The following COL13A1 variants were observed in gnomAD, a reference collection of about 807,000 sequenced individuals.
COL13A1 encodes the protein collagen alpha-1(XIII) chain.
COL13A1 carries 89 observed loss-of-function variants against 130.9 expected under a neutral mutation model. That is an observed-to-expected ratio of 0.68 (90% confidence interval 0.57 to 0.81). The LOEUF (loss-of-function observed/expected upper bound fraction) is 0.81. Among genes scored for constraint, COL13A1 ranks in the 30% least tolerant of loss-of-function variants. The pLI, the probability that COL13A1 is intolerant of heterozygous loss-of-function variation, is 0.00. For missense variants in COL13A1, 879 were observed against 934.6 expected (o/e 0.94, Z 0.78); for synonymous variants, 402 against 341.6 (o/e 1.18, Z -1.95).
At chr10:69,808,104 C>A (rs967242602) in intron 1 of COL13A1, among the ~76,000 whole-genome samples, 1 of 152,312 alleles carries the variant, frequency 6.6e-6, no homozygotes. Flanking sequence ...TAGAGCTCTG[C>A]CGCTTCTCCA....
Position 69,852,310 on chromosome 10 carries a change from T to C in COL13A1, c.365-15488T>C, listed in dbSNP as rs78282790. On this transcript the variant is annotated intron_variant, in intron 2 of 40. Coordinates refer to ENST00000645393, the MANE Select transcript of COL13A1 (RefSeq NM_001368882.1). The stretch of plus-strand genomic sequence containing the variant: ...GTTGTCTATCACCTGCGGCTAGAGA[T>C]AATAATAATAATAAGCCAATACTTG... Among the ~76,000 whole-genome samples the C allele has an allele frequency of 1.6e-4, 24 of 152,256 alleles. No homozygotes were observed. The East Asian group carries it at 4.4e-3, about 28-fold the overall frequency.
At chr10:69,904,419 C>T (rs904133002) in intron 15 of COL13A1, among the ~76,000 whole-genome samples, 1 of 152,336 alleles carries the variant, frequency 6.6e-6, no homozygotes, top group East Asian at 1.9e-4. Context: ...CCCAAGGCTG[C>T]GGTGGAGCCA....
Position 69,889,444 on chromosome 10 carries a change from A to G in COL13A1, c.603+4A>G, listed in dbSNP as rs769152298. Reference sequence around the variant, plus strand: ...CCCAGGACCAAAGGGCGACATGGTAAGAGCCCAGCTTTCCTGCCTTCCCGA... The same window carrying G: ...CCCAGGACCAAAGGGCGACATGGTAGGAGCCCAGCTTTCCTGCCTTCCCGA... On this transcript the variant is annotated splice_donor_region_variant and intron_variant, in intron 10 of 40. Transcript: ENST00000645393. 1 of 1,611,566 alleles carries G rather than the reference A, an allele frequency of 6.2e-7. No homozygotes were observed. The highest frequency in any genetic ancestry group is 8.5e-7 in the Non-Finnish European group (1 of 1,179,060).
At chr10:69,868,119 CAAAAAA>C (rs55856106) in intron 3 of COL13A1, among the ~76,000 whole-genome samples, 23 of 126,940 alleles carry the variant, frequency 1.8e-4, no homozygotes, top group Admixed American at 3.1e-4. Flanking sequence ...CTATTGGAGT[CAAAAAA>C]AAAAAAAAAA....
intron 1 of COL13A1, among the ~76,000 whole-genome samples, chr10:69,810,375 AGAGAG>A (rs1842704354): frequency 2.6e-5 from 4 of 151,424 alleles, no homozygotes; most frequent in African/African-American, 9.7e-5. Flanking sequence ...AGAGAGAGAG[AGAGAG>A]ACAGAGAGTC....
Position 69,867,791 on chromosome 10 carries a change from C to T in COL13A1, c.365-7C>T, listed in dbSNP as rs2058671013. 2.8e-6 allele frequency: 2 copies of T among 718,542 alleles called. No individual in the cohort carries two copies. Among genetic ancestry groups the T allele is most frequent in the Non-Finnish European group, 5.2e-6 (2 of 385,052 alleles). The allele number at this position is 718,542 out of a possible 1,614,324, so 44.5% of individuals were successfully genotyped here. The stretch of plus-strand genomic sequence containing the variant: ...ACTGACCCAGGCATTTTCTCTCTCT[C>T]TTTCAGGACCTCCTGTAAGTACTCA... On this transcript the variant is annotated splice_polypyrimidine_tract_variant and splice_region_variant and intron_variant, in intron 2 of 40. Coordinates refer to ENST00000645393, the MANE Select transcript of COL13A1 (RefSeq NM_001368882.1).
chr10:69,847,070 G>A (rs1853352455), intron 2 of COL13A1, among the ~76,000 whole-genome samples: 2 of 152,162 alleles, frequency 1.3e-5, no homozygotes, highest in South Asian at 2.1e-4. Flanking sequence ...TCTCTATTGT[G>A]TCTCTCTTTA....
chr10:69,824,349 T>A (rs1846952500), intron 2 of COL13A1, among the ~76,000 whole-genome samples: 2 of 152,238 alleles, frequency 1.3e-5, no homozygotes, highest in South Asian at 4.1e-4. Flanking sequence ...GGCAGAGACT[T>A]GCCTTTCTCC....
chr10:69,802,111 C>A lies in COL13A1; in HGVS notation c.-313C>A. On this transcript the variant is annotated 5_prime_UTR_variant, in exon 1 of 41. Coordinates refer to ENST00000645393, the MANE Select transcript of COL13A1 (RefSeq NM_001368882.1). The stretch of plus-strand genomic sequence containing the variant: ...CGCGGCACCAACTGCTCTGCAGACA[C>A]TTGAAGGGAAAGACTGGGCGGAGAG... The A allele has an allele frequency of 3.2e-6, 1 of 314,064 alleles. No individual in the cohort carries two copies. The highest frequency in any genetic ancestry group is 5.7e-6 in the Non-Finnish European group (1 of 173,926). The allele number at this position is 314,064 out of a possible 1,614,324, so 19.5% of individuals were successfully genotyped here.
In COL13A1 at chr10:69,930,605, C is replaced by T. The variant is rs182646031; in HGVS notation, c.1683+53C>T. ...GTGCATACACCACTCCCAAGCATGA[C>T]GCCAGCTTTGCAGGGCTTTGCACTT... On this transcript the variant is annotated intron_variant, in intron 30 of 40. Transcript: ENST00000645393. The T allele has an allele frequency of 9.0e-5, 142 of 1,571,388 alleles. No homozygotes were observed. The East Asian group carries it at 1.1e-3, about 12-fold the overall frequency.
intron 38 of COL13A1, among the ~76,000 whole-genome samples, chr10:69,949,821 G>T (rs1251743116): frequency 6.6e-6 from 1 of 152,018 alleles, no homozygotes; most frequent in Admixed American, 6.6e-5. Context: ...GGATGTTACT[G>T]TGGAGCTGCC....
chr10:69,880,378 C>A, intron 6 of COL13A1, 125 bp from the exon 7 acceptor site: 1 of 719,488 alleles, frequency 1.4e-6, no homozygotes, highest in South Asian at 1.5e-5. Context: ...TCTCCTGTCC[C>A]ATGGGGCCGG....
At chr10:69,954,805 G>C (rs955633688) in intron 39 of COL13A1, 2 of 152,258 alleles carry the variant, frequency 1.3e-5, no homozygotes, top group Non-Finnish European at 2.9e-5. Context: ...TGAAGAGTCT[G>C]GGAGAGACGG....
At chr10:69,803,872 T>G (rs917245390) in intron 1 of COL13A1, among the ~76,000 whole-genome samples, 4 of 152,192 alleles carry the variant, frequency 2.6e-5, no homozygotes, top group African/African-American at 9.7e-5. Context: ...GGTGGGGTGC[T>G]GTGAGCATTT....
chr10:69,911,982 TG>T lies in COL13A1; in HGVS notation c.922-5305del, dbSNP rs3838765. Among the ~76,000 whole-genome samples the T allele has an allele frequency of 4.7e-3, 719 of 152,328 alleles. 5 individuals carry two copies. The highest frequency in any genetic ancestry group is 0.013 in the East Asian group (69 of 5,192). ...ACTCCCACTGAGTGCTCCGTGCAGA[TG>T]GAAGCCCTAGATGCAGGAGCCTGCT... is the stretch of plus-strand genomic sequence containing the variant. On this transcript the variant is annotated intron_variant, in intron 17 of 40. Transcript: ENST00000645393.
chr10:69,900,020 G>A (rs2062029756), intron 14 of COL13A1, among the ~76,000 whole-genome samples: 1 of 152,200 alleles, frequency 6.6e-6, no homozygotes, highest in Non-Finnish European at 1.5e-5. Flanking sequence ...ACCCAAGCCT[G>A]CAGGCCACAT....
intron 2 of COL13A1, among the ~76,000 whole-genome samples, chr10:69,823,146 G>A (rs1234345276): frequency 6.6e-6 from 1 of 152,226 alleles, no homozygotes; most frequent in Non-Finnish European, 1.5e-5. Context: ...CTATTCACCT[G>A]TGTAACAGCT....
At position 69,958,761 on chromosome 10, in the gene COL13A1, C is replaced by T. The variant is rs188324237; in HGVS notation, c.*60C>T. The T allele has an allele frequency of 2.7e-5, 43 of 1,606,652 alleles. No homozygotes were observed. Among genetic ancestry groups the T allele is most frequent in the Non-Finnish European group, 3.6e-5 (42 of 1,177,428 alleles). ...TGTACATAGAATATTTATTTTTATA[C>T]AGTTTTCACTTTTTGAAAATGCCAG... On this transcript the variant is annotated 3_prime_UTR_variant, in exon 41 of 41. Transcript: ENST00000645393.
At position 69,947,778 on chromosome 10, in the gene COL13A1, T is replaced by C. The variant is rs1262658180; in HGVS notation, c.2058+436T>C. On this transcript the variant is annotated intron_variant, in intron 38 of 40. Coordinates refer to ENST00000645393, the MANE Select transcript of COL13A1 (RefSeq NM_001368882.1). ...TCCAGCTCCAAGAACAAGCAGACAG[T>C]TGTTGGAAGCAGCCAACCCTTTTAA... 7.2e-5 allele frequency among the ~76,000 whole-genome samples: 11 copies of C among 152,370 alleles called. No homozygotes were observed. In the East Asian group the frequency reaches 2.1e-3, roughly 29 times the overall value.
Sources: allele counts gnomAD v4.1 joint callset (sites outside exome capture counted in the v4.1 genomes callset), GRCh38; gene constraint gnomAD v4.1.1; transcripts MANE v1.5; gene names NCBI Gene and HGNC (gene_info 2026-07-23, HGNC 2026-07-21).